ZNF507: variants seen among roughly 807,000 people sequenced by gnomAD.
ZNF507 encodes zinc finger protein 507.
A neutral mutation model predicts 80.0 loss-of-function variants in ZNF507; 29 were observed. The ratio of observed to expected loss-of-function variants is 0.36; its 90% CI spans 0.27 to 0.49. The LOEUF (loss-of-function observed/expected upper bound fraction) is 0.49, where lower values mean the gene tolerates loss of function less well. Ranked by LOEUF, ZNF507 falls within the 20% of genes least tolerant of loss-of-function variation. The pLI is 0.98. For synonymous variants in ZNF507, 462 were observed against 422.5 expected, an observed-to-expected ratio of 1.09 and a Z score of -1.15; for missense variants, 1,081 against 1,152.2, an observed-to-expected ratio of 0.94 and a Z score of 0.90.
At chr19:32,362,879 T>C (rs1384767569) in intron 5 of ZNF507, among the ~76,000 whole-genome samples, 10 of 152,230 alleles carry the variant, frequency 6.6e-5, no homozygotes, top group Non-Finnish European at 1.2e-4. Context: ...TCTCCCTCTT[T>C]GTACTTATTA....
Position 32,382,463 on chromosome 19 carries a change from C to T in ZNF507, c.2361-4C>T, listed in dbSNP as rs1292092122. 2 of 1,612,642 alleles carry T rather than the reference C, an allele frequency of 1.2e-6. No individual in the cohort carries two copies. The highest frequency in any genetic ancestry group is 1.7e-6 in the Non-Finnish European group (2 of 1,179,276). ...TGATTTTCCCTTGCCTGCCTGTCTT[C>T]CAGATGCTCTCTGTGTGGGTATGTG... On this transcript the variant is annotated splice_region_variant and splice_polypyrimidine_tract_variant and intron_variant, in intron 5 of 6. Coordinates refer to ENST00000355898, the MANE Select transcript of ZNF507 (RefSeq NM_001136156.2).
At chr19:32,364,771 A>G (rs1359494822) in intron 5 of ZNF507, among the ~76,000 whole-genome samples, 2 of 152,136 alleles carry the variant, frequency 1.3e-5, no homozygotes, top group South Asian at 2.1e-4. Context: ...CGATTTTGCT[A>G]TTGTGAATTG....
intron 5 of ZNF507, among the ~76,000 whole-genome samples, chr19:32,378,810 A>C (rs1967587209): frequency 6.6e-6 from 1 of 152,134 alleles, no homozygotes; most frequent in Non-Finnish European, 1.5e-5. Flanking sequence ...CATAAGTCTG[A>C]CTTGTCACTG....
intron 5 of ZNF507, among the ~76,000 whole-genome samples, chr19:32,374,512 C>T (rs1967520541): frequency 6.9e-6 from 1 of 144,056 alleles, no homozygotes; most frequent in Admixed American, 7.1e-5. Flanking sequence ...CTTGTGCTGT[C>T]ACCCAGGCTG....
chr19:32,371,158 A>G (rs749964141), intron 5 of ZNF507, among the ~76,000 whole-genome samples: 2 of 152,024 alleles, frequency 1.3e-5, no homozygotes, highest in Non-Finnish European at 2.9e-5. Flanking sequence ...TGGGTACTAC[A>G]TGTACAGATC....
At chr19:32,380,827 G>T (rs993775932) in intron 5 of ZNF507, among the ~76,000 whole-genome samples, 2 of 152,236 alleles carry the variant, frequency 1.3e-5, no homozygotes, top group Admixed American at 6.5e-5. Flanking sequence ...TTGCTGGGAA[G>T]CTGAGGCAAG....
At position 32,382,796 on chromosome 19, in the gene ZNF507, A is replaced by G. The variant is rs748936940; in HGVS notation, c.2575A>G (p.Asn859Asp). ...AGATCCCGTCACTGGAAGTTCAGAA[A>G]ATGCAGTGTCATCTTCAGAACTGAT... ...SADPVTGSSE[N>D]AVSSSELMSQ... The change falls in exon 7 of 7, where the codon AAT becomes GAT. Residue 859 changes from asparagine to aspartate, a missense_variant. Around this residue, in one of 6 missense-constraint regions of ZNF507, gnomAD observed 138 missense variants for 158.4 expected, o/e 0.87. Transcript: ENST00000355898. The G allele has an allele frequency of 2.6e-5, 42 of 1,614,132 alleles. No individual in the cohort carries two copies. The highest frequency in any genetic ancestry group is 3.6e-5 in the Non-Finnish European group (42 of 1,180,016).
chr19:32,384,856 G>T lies in ZNF507; in HGVS notation c.*1773G>T, dbSNP rs1967668232. The T allele has an allele frequency of 6.6e-6, 1 of 151,930 alleles. No individual in the cohort carries two copies. The highest frequency in any genetic ancestry group is 1.5e-5 in the Non-Finnish European group (1 of 68,002). The allele number at this position is 151,930 out of a possible 1,614,324, so 9.4% of individuals were successfully genotyped here. A position where few individuals can be genotyped will look rare whatever the true frequency, so the allele number is the denominator to read the frequency against. ...ACGTGGTTTTTAAAAATATGAAATG[G>T]ATTTATATATACTATATTCCTCAAA... On this transcript the variant is annotated 3_prime_UTR_variant, in exon 7 of 7. Coordinates refer to ENST00000355898, the MANE Select transcript of ZNF507 (RefSeq NM_001136156.2).
rs371157788 is a variant in ZNF507, at chr19:32,354,032, G to A, written c.1202G>A (p.Arg401Gln). ...KKGHVNVIVE[R>Q]LPSAEETLSQ... is the part of the protein sequence containing the mutation. ...GGGCATGTTAACGTGATAGTGGAGC[G>A]ATTGCCAAGTGCTGAAGAAACCCTT... The change falls in exon 3 of 7, where the codon CGA (arginine) becomes CAA (glutamine). Residue 401 changes from arginine to glutamine, a missense_variant. Coordinates refer to ENST00000355898, the MANE Select transcript of ZNF507 (RefSeq NM_001136156.2). 26 of 1,614,126 alleles carry A rather than the reference G, an allele frequency of 1.6e-5. No individual in the cohort carries two copies. Among genetic ancestry groups the A allele is most frequent in the Middle Eastern group, 1.6e-4 (1 of 6,062 alleles).
intron 3 of ZNF507, 136 bp downstream of exon 3, chr19:32,355,093 A>G: frequency 1.2e-6 from 1 of 825,976 alleles, no homozygotes; most frequent in Non-Finnish European, 1.8e-6. Flanking sequence ...AAGTTGCCCA[A>G]GGGGATCCCA....
chr19:32,353,775 T>C lies in ZNF507; in HGVS notation c.945T>C (p.Ser315=), dbSNP rs763691166. 2 of 1,614,146 alleles carry C rather than the reference T, an allele frequency of 1.2e-6. No individual in the cohort carries two copies. The highest frequency in any genetic ancestry group is 1.7e-6 in the Non-Finnish European group (2 of 1,180,018). The change falls in exon 3 of 7, where the codon AGT becomes AGC. Residue 315 remains serine, a synonymous_variant. Coordinates refer to ENST00000355898, the MANE Select transcript of ZNF507 (RefSeq NM_001136156.2). ...VVIAIGESEL[S]IHNGPSVQVQ... is the part of the protein sequence containing the mutation. Reference sequence around the variant, plus strand: ...TTGCTATTGGAGAGAGTGAACTGAGTATCCACAATGGGCCATCAGTGCAAG... The same window carrying C: ...TTGCTATTGGAGAGAGTGAACTGAGCATCCACAATGGGCCATCAGTGCAAG...
At chr19:32,366,714 C>T (rs1268350498) in intron 5 of ZNF507, among the ~76,000 whole-genome samples, 1 of 152,158 alleles carries the variant, frequency 6.6e-6, no homozygotes, top group Non-Finnish European at 1.5e-5. Flanking sequence ...GAGTCCATTT[C>T]CATTGGGTTT....
chr19:32,383,002 G>C lies in ZNF507; in HGVS notation c.2781G>C (p.Leu927Phe). The C allele has an allele frequency of 6.2e-7, 1 of 1,614,114 alleles. No individual in the cohort carries two copies. The highest frequency in any genetic ancestry group is 8.5e-7 in the Non-Finnish European group (1 of 1,180,018). Reference sequence around the variant, plus strand: ...AATCAACCAGCAAAGAAAACCTCTTGGATCATATGAAAGAGCACGAGGGTG... The same window carrying C: ...AATCAACCAGCAAAGAAAACCTCTTCGATCATATGAAAGAGCACGAGGGTG... The part of the protein sequence containing the change: ...GFESTSKENL[L>F]DHMKEHEGEI... The change falls in exon 7 of 7, where the codon TTG (leucine) becomes TTC (phenylalanine). Residue 927 changes from leucine to phenylalanine, a missense_variant. Around this residue, in one of 6 missense-constraint regions of ZNF507, gnomAD observed 138 missense variants for 158.4 expected, o/e 0.87. Transcript: ENST00000355898.
chr19:32,358,836 T>C (rs1189361091), intron 4 of ZNF507: 1 of 152,212 alleles, frequency 6.6e-6, no homozygotes, highest in Non-Finnish European at 1.5e-5. Flanking sequence ...TGTGAGGTTC[T>C]AGCATTTCCA....
chr19:32,354,983 C>A, intron 3 of ZNF507, 26 bp downstream of exon 3: 6 of 1,556,568 alleles, frequency 3.9e-6, no homozygotes, highest in Non-Finnish European at 5.2e-6. Flanking sequence ...GGAAGTCTTT[C>A]AGAGGACCTT....
chr19:32,371,951 T>C (rs1340349644), intron 5 of ZNF507, among the ~76,000 whole-genome samples: 1 of 152,176 alleles, frequency 6.6e-6, no homozygotes, highest in East Asian at 1.9e-4. Flanking sequence ...TTCTTTATTA[T>C]TCTTAAGGAG....
At chr19:32,376,764 T>C (rs1031229575) in intron 5 of ZNF507, among the ~76,000 whole-genome samples, 1 of 152,168 alleles carries the variant, frequency 6.6e-6, no homozygotes, top group Non-Finnish European at 1.5e-5. Context: ...TGGCCCCAGA[T>C]GCCAGGCTGC....
rs749520100 is a variant in ZNF507, at chr19:32,353,492, T to A, written c.662T>A (p.Leu221Gln). 1 of 1,614,202 alleles carries A rather than the reference T, an allele frequency of 6.2e-7. No individual in the cohort carries two copies. The highest frequency in any genetic ancestry group is 1.1e-5 in the South Asian group (1 of 91,084). ...IPDIPVSVDN[L>Q]QTHTVQTASV... ...GATATCCCAGTAAGTGTGGACAATCTACAGACTCATACTGTCCAAACTGCA... is the reference window on the plus strand; with the variant it reads ...GATATCCCAGTAAGTGTGGACAATCAACAGACTCATACTGTCCAAACTGCA... Residue 221 changes from leucine to glutamine, a missense_variant, in exon 3 of 7, where the codon CTA becomes CAA. Physicochemically the swap from Leu to Gln is moderately radical, Grantham distance 113 (BLOSUM62 -2). Around this residue, in one of 6 missense-constraint regions of ZNF507, gnomAD observed 275 missense variants for 303.9 expected, o/e 0.90. Transcript: ENST00000355898.
chr19:32,369,382 G>A (rs1186530791), intron 5 of ZNF507, among the ~76,000 whole-genome samples: 1 of 152,194 alleles, frequency 6.6e-6, no homozygotes, highest in African/African-American at 2.4e-5. Context: ...AAATGGCTCT[G>A]TCATCAGGAG....
Sources: gnomAD v4.1 joint callset for allele counts (sites outside exome capture counted in the v4.1 genomes callset) on GRCh38, gnomAD v4.1.1 for gene constraint, gnomAD v4.1.1 regional missense constraint, MANE v1.5 for transcripts, NCBI Gene and HGNC (gene_info 2026-07-23, HGNC 2026-07-21) for gene names.